SLC5A4: variants seen among roughly 807,000 people sequenced by gnomAD.
SLC5A4 encodes probable glucose sensor protein SLC5A4.
A neutral mutation model predicts 70.3 loss-of-function variants in SLC5A4; 55 were observed. That is an observed-to-expected ratio of 0.78 (90% CI 0.63 to 0.98). The LOEUF (loss-of-function observed/expected upper bound fraction) is 0.98, where lower values mean the gene tolerates loss of function less well. SLC5A4 is among the 50% of genes least tolerant of loss of function. SLC5A4 has a pLI of 0.00. For missense variants in SLC5A4, 735 were observed against 839.2 expected, an observed-to-expected ratio of 0.88 and a Z score of 1.53; for synonymous variants, 268 against 305.7, an observed-to-expected ratio of 0.88 and a Z score of 1.29.
the SLC5A4 span, among the ~76,000 whole-genome samples, chr22:32,333,553 G>A: frequency 2.0e-5 from 3 of 152,032 alleles, no homozygotes; most frequent in Non-Finnish European, 2.9e-5. Context: ...TGTGTGCACT[G>A]TGGCCCTGAT....
the SLC5A4 span, among the ~76,000 whole-genome samples, chr22:32,333,622 C>T: frequency 5.9e-5 from 9 of 152,080 alleles, no homozygotes; most frequent in Non-Finnish European, 1.3e-4. Context: ...TCCTTCAGCC[C>T]GGGCTCTGAC....
the SLC5A4 span, among the ~76,000 whole-genome samples, chr22:32,335,025 G>A: frequency 5.9e-5 from 9 of 152,186 alleles, no homozygotes; most frequent in Non-Finnish European, 2.9e-5. Context: ...AGCGGGGCCA[G>A]CTCGCATGGA....
intron 6 of SLC5A4, among the ~76,000 whole-genome samples, chr22:32,238,025 G>A (rs1926162946): frequency 6.6e-6 from 1 of 152,106 alleles, no homozygotes; most frequent in South Asian, 2.1e-4. Flanking sequence ...AACAAAATGG[G>A]GCTGGGAGAC....
At chr22:32,328,333 G>A in the SLC5A4 span, among the ~76,000 whole-genome samples, 3 of 152,106 alleles carry the variant, frequency 2.0e-5, no homozygotes, top group Admixed American at 6.5e-5. Context: ...CAAAGGATGG[G>A]GACAGAGCCA....
At chr22:32,300,331 T>C in the SLC5A4 span, among the ~76,000 whole-genome samples, 1 of 151,502 alleles carries the variant, frequency 6.6e-6, no homozygotes, top group South Asian at 2.1e-4. Context: ...CGTAGGACCC[T>C]CTGAGCCAGG....
At chr22:32,305,865 C>G in the SLC5A4 span, among the ~76,000 whole-genome samples, 1 of 150,400 alleles carries the variant, frequency 6.6e-6, no homozygotes. Flanking sequence ...TCGGCTCTGT[C>G]TCGTCTGGTG....
chr22:32,227,766 C>T (rs976824949), intron 11 of SLC5A4, among the ~76,000 whole-genome samples: 1 of 152,030 alleles, frequency 6.6e-6, no homozygotes. Context: ...GAAACCCCGT[C>T]TCTACTAAAA....
chr22:32,223,431 C>G (rs983736303), intron 13 of SLC5A4, among the ~76,000 whole-genome samples: 6 of 152,290 alleles, frequency 3.9e-5, no homozygotes, highest in Non-Finnish European at 7.4e-5. Flanking sequence ...AATTTTCCCA[C>G]AACACTAATA....
intron 5 of SLC5A4, among the ~76,000 whole-genome samples, chr22:32,242,172 C>T (rs1270394271): frequency 1.3e-4 from 20 of 152,066 alleles, no homozygotes; most frequent in Admixed American, 1.2e-3. Flanking sequence ...GAAAAAAAGT[C>T]CACCCAATAA....
chr22:32,293,978 C>G, the SLC5A4 span, among the ~76,000 whole-genome samples: 1 of 152,004 alleles, frequency 6.6e-6, no homozygotes, highest in Non-Finnish European at 1.5e-5. Context: ...GTTTGTAAGT[C>G]TAATTGTGCT....
chr22:32,247,542 T>C, intron 4 of SLC5A4, 27 bp from the exon 5 acceptor site: 2 of 1,458,510 alleles, frequency 1.4e-6, no homozygotes, highest in Non-Finnish European at 1.9e-6. Flanking sequence ...TGACAGGGAC[T>C]TAACTTACCC....
chr22:32,315,637 C>G, the SLC5A4 span, among the ~76,000 whole-genome samples: 1 of 151,752 alleles, frequency 6.6e-6, no homozygotes, highest in African/African-American at 2.4e-5. Context: ...AAGACATACA[C>G]ACAGAAAATA....
the SLC5A4 span, among the ~76,000 whole-genome samples, chr22:32,322,327 C>A: frequency 2.6e-5 from 4 of 152,170 alleles, no homozygotes; most frequent in African/African-American, 9.7e-5. Context: ...CAGTGGCTCA[C>A]GCCTGTAATC....
chr22:32,332,036 C>G, the SLC5A4 span, among the ~76,000 whole-genome samples: 587 of 152,240 alleles, frequency 3.9e-3, 3 homozygotes, highest in Middle Eastern at 6.8e-3. Flanking sequence ...TCTCAGCCCC[C>G]ACCCCAGGCC....
the SLC5A4 span, among the ~76,000 whole-genome samples, chr22:32,314,497 T>C: frequency 6.6e-5 from 10 of 152,224 alleles, no homozygotes; most frequent in African/African-American, 9.6e-5. Flanking sequence ...GAAAAACATG[T>C]TGAACATATT....
chr22:32,306,862 TAGGA>T, the SLC5A4 span, among the ~76,000 whole-genome samples: 1 of 152,056 alleles, frequency 6.6e-6, no homozygotes, highest in African/African-American at 2.4e-5. Context: ...TGGGGAACAA[TAGGA>T]AGAAACTGGG....
At chr22:32,310,520 G>A in the SLC5A4 span, among the ~76,000 whole-genome samples, 1 of 27,762 alleles carries the variant, frequency 3.6e-5, no homozygotes, top group African/African-American at 1.2e-4. Flanking sequence ...CCTGGGGGGT[G>A]CCCTGGGATT....
chr22:32,226,686 T>A (rs894814448), intron 11 of SLC5A4, among the ~76,000 whole-genome samples: 14 of 152,212 alleles, frequency 9.2e-5, no homozygotes, highest in South Asian at 2.1e-4. Flanking sequence ...TATTTTTTTT[T>A]AATTACCATT....
rs144357030 is a variant in SLC5A4 at position 32,229,273 on chromosome 22, C to T, written c.1201G>A (p.Ala401Thr). 1.4e-4 allele frequency: 219 copies of T among 1,613,958 alleles called. No homozygotes were observed. The African/African-American group carries it at 1.4e-3, about 10-fold the overall frequency. The change falls in exon 11 of 15, where the codon GCC becomes ACC. Residue 401 changes from alanine (A) to threonine (T), a missense_variant. Physicochemically the swap from Ala to Thr is moderately conservative, Grantham distance 58 (BLOSUM62 0). Coordinates refer to ENST00000266086, the MANE Select transcript of SLC5A4 (RefSeq NM_014227.3). Reference protein sequence around the residue: ...MSSLTSIFNSASTLFTIDLYT... With the variant: ...MSSLTSIFNSTSTLFTIDLYT... ...AGGTCAATGGTGAAGAGGGTGCTGG[C>T]GCTGTTGAAGATGGAGGTCAGGGAG...
Sources: allele counts gnomAD v4.1 joint callset (sites outside exome capture counted in the v4.1 genomes callset), GRCh38; gene constraint gnomAD v4.1.1; transcripts MANE v1.5; gene names NCBI Gene and HGNC (gene_info 2026-07-23, HGNC 2026-07-21).